EFCAB14: variants seen among roughly 807,000 people sequenced by gnomAD.
EFCAB14 encodes EF-hand calcium-binding domain-containing protein 14.
Under a neutral mutation model 56.5 loss-of-function variants are expected in EFCAB14, and 43 were observed. The observed-to-expected ratio is 0.76, with a 90% CI of 0.60 to 0.98. The LOEUF is 0.98. Ranked by LOEUF, EFCAB14 falls within the 50% of genes least tolerant of loss-of-function variation. EFCAB14 has a pLI of 0.00. For missense variants in EFCAB14, 538 were observed against 580.3 expected, an observed-to-expected ratio of 0.93 and a Z score of 0.75; for synonymous variants, 235 against 212.9, an observed-to-expected ratio of 1.10 and a Z score of -0.90.
At chr1:46,680,905 A>G (rs1338235807) in intron 10 of EFCAB14, among the ~76,000 whole-genome samples, 3 of 152,154 alleles carry the variant, frequency 2.0e-5, no homozygotes, top group Admixed American at 1.3e-4. Context: ...ATGTCTATCA[A>G]TAGTTTCTTC....
At chr1:46,717,053 A>G (rs1677408016) in intron 1 of EFCAB14, among the ~76,000 whole-genome samples, 1 of 152,246 alleles carries the variant, frequency 6.6e-6, no homozygotes, top group African/African-American at 2.4e-5. Context: ...TTACTACTCC[A>G]GGTACCTTCT....
chr1:46,691,239 GAAC>G (rs1676986257), intron 5 of EFCAB14, among the ~76,000 whole-genome samples: 1 of 152,278 alleles, frequency 6.6e-6, no homozygotes, highest in Non-Finnish European at 1.5e-5. Flanking sequence ...TTGTGGCTTA[GAAC>G]AACAACAATT....
intron 3 of EFCAB14, among the ~76,000 whole-genome samples, chr1:46,701,004 T>TGTGTGC (rs1677148047): frequency 6.6e-6 from 1 of 151,952 alleles, no homozygotes; most frequent in Admixed American, 6.6e-5. Flanking sequence ...TGTGTGTGTG[T>TGTGTGC]GTGTGTGCAT....
At chr1:46,716,839 G>A (rs1012640191) in intron 1 of EFCAB14, among the ~76,000 whole-genome samples, 24 of 152,210 alleles carry the variant, frequency 1.6e-4, no homozygotes, top group Non-Finnish European at 1.5e-4. Context: ...ACTCACTCCG[G>A]GGAACCTTGC....
chr1:46,694,027 G>A (rs1450053555), intron 4 of EFCAB14, among the ~76,000 whole-genome samples: 1 of 152,234 alleles, frequency 6.6e-6, no homozygotes. Context: ...CTAGCCATAT[G>A]TAGAAAGCTG....
chr1:46,712,454 T>C lies in EFCAB14; in HGVS notation c.334+3841A>G, dbSNP rs575084779. ...TAAGAGTTTCAGGGCCAGTCAGTAC[T>C]TTTAGCTTAAGGATCAAGTTTCTCT... On this transcript the variant is annotated intron_variant, in intron 2 of 10. Transcript: ENST00000371933. Among the ~76,000 whole-genome samples, 4 of 152,112 alleles carry C rather than the reference T, an allele frequency of 2.6e-5. No homozygotes were observed. In the South Asian group the frequency reaches 6.2e-4, roughly 24 times the overall value.
chr1:46,701,731 C>T (rs2148847310), intron 3 of EFCAB14, among the ~76,000 whole-genome samples: 1 of 152,376 alleles, frequency 6.6e-6, no homozygotes, highest in Non-Finnish European at 1.5e-5. Flanking sequence ...TCAGCTGCCT[C>T]ACTGCAAAAG....
At chr1:46,690,125 C>T (rs1676967772) in intron 5 of EFCAB14, among the ~76,000 whole-genome samples, 1 of 152,238 alleles carries the variant, frequency 6.6e-6, no homozygotes, top group African/African-American at 2.4e-5. Flanking sequence ...CATGTAACCA[C>T]TGGCTTGGGC....
At position 46,719,045 on chromosome 1, in the gene EFCAB14, T is replaced by TGGCGGCGGCTGCGGCGGC. The variant is rs1553124313; in HGVS notation, c.-976_-959dup. 1 of 158,998 alleles carries TGGCGGCGGCTGCGGCGGC rather than the reference T, an allele frequency of 6.3e-6. No individual in the cohort carries two copies. Among genetic ancestry groups the TGGCGGCGGCTGCGGCGGC allele is most frequent in the Admixed American group, 6.5e-5 (1 of 15,362 alleles). 9.8% of individuals were successfully genotyped at this position (158,998 alleles called of 1,614,324 possible). On this transcript the variant is annotated 5_prime_UTR_variant, in exon 1 of 11. Coordinates refer to ENST00000371933, the MANE Select transcript of EFCAB14 (RefSeq NM_014774.3). This position sits in a 1 kb window ranked among gnomAD's most constrained non-coding sequence, Gnocchi z 4.0. ...CCCGACACGTTGTTGTTGGCGTTGG[T>TGGCGGCGGCTGCGGCGGC]GGCGGCGGCTGCGGCGGCGGCGGCC... is the stretch of plus-strand genomic sequence containing the variant.
chr1:46,707,456 C>T (rs1677249243), intron 3 of EFCAB14, among the ~76,000 whole-genome samples: 1 of 152,128 alleles, frequency 6.6e-6, no homozygotes, highest in Non-Finnish European at 1.5e-5. Flanking sequence ...GGTATTTAAC[C>T]AACTCCATCA....
chr1:46,693,391 G>A (rs1241948877), intron 4 of EFCAB14, among the ~76,000 whole-genome samples: 1 of 152,134 alleles, frequency 6.6e-6, no homozygotes, highest in Non-Finnish European at 1.5e-5. Flanking sequence ...AATTACATGA[G>A]ATACAATAAA....
chr1:46,696,581 G>A lies in EFCAB14; in HGVS notation c.549C>T (p.Ser183=). The change falls in exon 4 of 11, where the codon AGC becomes AGT. Residue 183 remains serine (S), a synonymous_variant. Coordinates refer to ENST00000371933, the MANE Select transcript of EFCAB14 (RefSeq NM_014774.3). ...GAAGTCCCTCTACAGTGGTAGGCAGGCTAATCAAGTCTGCAGCTGACTTAA... is the reference window on the plus strand; with the variant it reads ...GAAGTCCCTCTACAGTGGTAGGCAGACTAATCAAGTCTGCAGCTGACTTAA... ...ANVKSAADLI[S]LPTTVEGLQK... 1 of 1,613,554 alleles carries A rather than the reference G, an allele frequency of 6.2e-7. No individual in the cohort carries two copies. The highest frequency in any genetic ancestry group is 8.5e-7 in the Non-Finnish European group (1 of 1,179,630).
At chr1:46,713,665 T>C (rs747535772) in intron 2 of EFCAB14, among the ~76,000 whole-genome samples, 8 of 152,110 alleles carry the variant, frequency 5.3e-5, no homozygotes, top group Non-Finnish European at 1.2e-4. Flanking sequence ...TTTTGAAATA[T>C]ATAAATAAAT....
chr1:46,706,694 AG>A (rs759835759), intron 3 of EFCAB14, among the ~76,000 whole-genome samples: 10 of 152,204 alleles, frequency 6.6e-5, no homozygotes, highest in Non-Finnish European at 1.3e-4. Context: ...TTTGCAAAAA[AG>A]GGGTGAATAC....
At chr1:46,712,250 TTGTC>T (rs1167620938) in intron 2 of EFCAB14, among the ~76,000 whole-genome samples, 2 of 152,214 alleles carry the variant, frequency 1.3e-5, no homozygotes, top group Non-Finnish European at 1.5e-5. Flanking sequence ...AGTCACTACT[TTGTC>T]TGTATGGCCA....
rs1173194322 is a variant in EFCAB14, at chr1:46,681,787, A to G, written c.1312+1513T>C. Among the ~76,000 whole-genome samples the G allele has an allele frequency of 2.6e-5, 4 of 152,276 alleles. No individual in the cohort carries two copies. In the East Asian group the frequency reaches 5.8e-4, roughly 22 times the overall value. The stretch of plus-strand genomic sequence containing the variant: ...GTCATTCCAAAAGTATAGTCATCCA[A>G]AAGTATTTAAGGCCTATGCTGAGGA... On this transcript the variant is annotated intron_variant, in intron 10 of 10. Coordinates refer to ENST00000371933, the MANE Select transcript of EFCAB14 (RefSeq NM_014774.3).
At chr1:46,695,810 G>C (rs1569708381) in intron 4 of EFCAB14, among the ~76,000 whole-genome samples, 1 of 152,084 alleles carries the variant, frequency 6.6e-6, no homozygotes, top group African/African-American at 2.4e-5. Context: ...CTCCCATGTA[G>C]CTGGGACTAC....
chr1:46,705,597 T>C (rs925769792), intron 3 of EFCAB14, among the ~76,000 whole-genome samples: 22 of 152,142 alleles, frequency 1.4e-4, no homozygotes, highest in African/African-American at 5.3e-4. Context: ...AGTGTGAGCG[T>C]GTGTATGAGT....
chr1:46,694,024 T>C (rs905484716), intron 4 of EFCAB14, among the ~76,000 whole-genome samples: 2 of 152,226 alleles, frequency 1.3e-5, no homozygotes, highest in African/African-American at 2.4e-5. Context: ...TGGCTAGCCA[T>C]ATGTAGAAAG....
Sources: gnomAD v4.1 joint callset for allele counts (sites outside exome capture counted in the v4.1 genomes callset) on GRCh38, gnomAD v4.1.1 for gene constraint, Gnocchi (gnomAD v3.1) non-coding constraint, MANE v1.5 for transcripts, NCBI Gene and HGNC (gene_info 2026-07-23, HGNC 2026-07-21) for gene names.